Variants in NCALD observed in about 807,000 individuals in gnomAD.
NCALD encodes neurocalcin delta.
NCALD carries 10 observed loss-of-function variants against 18.6 expected under a neutral mutation model. The ratio of observed to expected loss-of-function variants is 0.54; its 90% CI spans 0.33 to 0.91. The LOEUF is 0.91. Among genes scored for constraint, NCALD ranks in the 40% least tolerant of loss-of-function variants. NCALD has a pLI of 0.03. For synonymous variants in NCALD, 88 were observed against 87.4 expected (o/e 1.01, Z -0.04); for missense variants, 184 against 247.6 (o/e 0.74, Z 1.72).
At chr8:101,811,273 G>A (rs1245907111) in intron 4 of NCALD, among the ~76,000 whole-genome samples, 1 of 152,158 alleles carries the variant, frequency 6.6e-6, no homozygotes. Flanking sequence ...AGAAGAAGAA[G>A]GTAGAAATAG....
At chr8:101,905,343 C>A (rs1817576754) in intron 3 of NCALD, among the ~76,000 whole-genome samples, 1 of 151,808 alleles carries the variant, frequency 6.6e-6, no homozygotes, top group African/African-American at 2.4e-5. Context: ...TTTTGACCCC[C>A]TACTTGCTTT....
chr8:101,757,932 C>G (rs1178042978), intron 1 of NCALD, among the ~76,000 whole-genome samples: 1 of 152,174 alleles, frequency 6.6e-6, no homozygotes, highest in South Asian at 2.1e-4. Flanking sequence ...GCTAGGACTA[C>G]AGTTGTGTGC....
intron 4 of NCALD, among the ~76,000 whole-genome samples, chr8:101,804,614 A>T (rs1347427919): frequency 7.6e-6 from 1 of 130,900 alleles, no homozygotes. Flanking sequence ...AATTAATTAT[A>T]TAATATATAA....
chr8:101,914,637 T>C (rs990986301), intron 3 of NCALD, among the ~76,000 whole-genome samples: 3 of 152,268 alleles, frequency 2.0e-5, no homozygotes, highest in Non-Finnish European at 2.9e-5. Context: ...ATGTATTTTG[T>C]ACTTTAAGTG....
chr8:101,958,479 G>A (rs527789310), intron 2 of NCALD, among the ~76,000 whole-genome samples: 27 of 152,168 alleles, frequency 1.8e-4, no homozygotes, highest in Admixed American at 9.8e-4. Context: ...AGGGAGCTGT[G>A]TTATTAAAGG....
At chr8:101,938,973 C>G (rs560443088) in intron 2 of NCALD, among the ~76,000 whole-genome samples, 1 of 152,306 alleles carries the variant, frequency 6.6e-6, no homozygotes, top group African/African-American at 2.4e-5. Flanking sequence ...TATTAAATAC[C>G]TTAAGTCTGA....
At chr8:101,865,069 G>A (rs961444147) in intron 4 of NCALD, among the ~76,000 whole-genome samples, 1 of 152,134 alleles carries the variant, frequency 6.6e-6, no homozygotes, top group Admixed American at 6.5e-5. Context: ...AAGAAGTAAG[G>A]GGGTTCTAGT....
chr8:101,789,436 T>C (rs895941641), intron 1 of NCALD, among the ~76,000 whole-genome samples: 9 of 152,168 alleles, frequency 5.9e-5, no homozygotes, highest in African/African-American at 2.2e-4. Context: ...TAAATGAATA[T>C]TCACTCATTG....
intron 1 of NCALD, among the ~76,000 whole-genome samples, chr8:101,767,605 A>G (rs1811403603): frequency 6.6e-6 from 1 of 152,164 alleles, no homozygotes; most frequent in East Asian, 1.9e-4. Context: ...ACTGATCTGG[A>G]CTTCTCTCCT....
At chr8:102,042,312 T>C (rs1823075420) in intron 1 of NCALD, among the ~76,000 whole-genome samples, 4 of 151,958 alleles carry the variant, frequency 2.6e-5, no homozygotes, top group African/African-American at 9.7e-5. Context: ...AGGATTTCTT[T>C]GGAGAGAGCT....
chr8:102,043,718 A>C (rs1256012120), intron 1 of NCALD, among the ~76,000 whole-genome samples: 1 of 57,258 alleles, frequency 1.7e-5, no homozygotes, highest in African/African-American at 7.0e-5. Flanking sequence ...GGCAGGGGAC[A>C]GGGAGGGGGA....
At chr8:101,801,966 A>C (rs1277808044) in intron 4 of NCALD, among the ~76,000 whole-genome samples, 5 of 151,938 alleles carry the variant, frequency 3.3e-5, no homozygotes, top group Admixed American at 3.3e-4. Flanking sequence ...GCGCCCGGCC[A>C]GCATACTTCC....
intron 4 of NCALD, among the ~76,000 whole-genome samples, chr8:101,825,160 T>C (rs1210162581): frequency 1.3e-5 from 2 of 152,202 alleles, no homozygotes; most frequent in African/African-American, 4.8e-5. Flanking sequence ...AAAATGGCAA[T>C]CATAGGACAA....
chr8:101,995,162 C>A (rs1329724040), intron 2 of NCALD, among the ~76,000 whole-genome samples: 2 of 152,188 alleles, frequency 1.3e-5, no homozygotes, highest in African/African-American at 4.8e-5. Flanking sequence ...GGAACTCTGT[C>A]ATTATCCTTC....
chr8:101,752,339 A>G (rs1231372678), intron 1 of NCALD, among the ~76,000 whole-genome samples: 1 of 152,244 alleles, frequency 6.6e-6, no homozygotes, highest in Non-Finnish European at 1.5e-5. Flanking sequence ...AGTAAAATAT[A>G]ATTTGTTGAG....
At chr8:102,093,523 G>T (rs604234) in intron 1 of NCALD, among the ~76,000 whole-genome samples, 70,387 of 152,008 alleles carry the variant, frequency 0.46, 16,765 homozygotes, top group Middle Eastern at 0.53. Flanking sequence ...AAAACAGAAG[G>T]TAGGTTTTGG....
intron 2 of NCALD, among the ~76,000 whole-genome samples, chr8:101,941,786 A>C (rs547253240): frequency 1.8e-4 from 28 of 152,348 alleles, no homozygotes; most frequent in African/African-American, 6.3e-4. Flanking sequence ...TTTCGAAAAT[A>C]AGATTGTTTG....
chr8:101,691,125 T>G (rs887085996), intron 3 of NCALD: 5 of 985,204 alleles, frequency 5.1e-6, no homozygotes, highest in Non-Finnish European at 6.0e-6. Flanking sequence ...GGGGTGCAGG[T>G]GTCCTCAATC....
At position 101,896,621 on chromosome 8, in the gene NCALD, C is replaced by T. The variant is rs186010128; in HGVS notation, c.-106-9394G>A. ...AAATTTTTGCAACCTACTCACCTGA[C>T]AAAGGGCTAATATCCAGAATCTACA... On this transcript the variant is annotated intron_variant, in intron 3 of 6. Transcript: ENST00000311028. Among the ~76,000 whole-genome samples the T allele has an allele frequency of 1.7e-4, 26 of 152,120 alleles. 1 individual carries two copies. The highest frequency in any genetic ancestry group is 1.6e-3 in the Admixed American group (24 of 15,280).
Sources: gnomAD v4.1 joint callset for allele counts (sites outside exome capture counted in the v4.1 genomes callset) on GRCh38, gnomAD v4.1.1 for gene constraint, MANE v1.5 for transcripts, NCBI Gene and HGNC (gene_info 2026-07-23, HGNC 2026-07-21) for gene names.